DOK4: variants seen among roughly 807,000 people sequenced by gnomAD.
DOK4 encodes the protein downstream of tyrosine kinase 4.
In DOK4, 26 loss-of-function variants were observed where a neutral mutation model predicts 40.1. The ratio of observed to expected loss-of-function variants is 0.65; its 90% CI spans 0.48 to 0.90. The LOEUF is 0.90. DOK4 is among the 40% of genes least tolerant of loss of function. The pLI is 0.00. For missense variants in DOK4, 392 were observed against 437.2 expected, an observed-to-expected ratio of 0.90 and a Z score of 0.92; for synonymous variants, 179 against 177.0, an observed-to-expected ratio of 1.01 and a Z score of -0.09.
Position 57,479,833 on chromosome 16 carries a change from T to G in DOK4, c.-181-145A>C. ...CTTCCTCCCGCCCTTCTTCCTTCCCTTCCCTCCCCACCCCAGGACGACAGA... is the reference window on the plus strand; with the variant it reads ...CTTCCTCCCGCCCTTCTTCCTTCCCGTCCCTCCCCACCCCAGGACGACAGA... On this transcript the variant is annotated intron_variant, in intron 1 of 8. Coordinates refer to ENST00000340099, the Ensembl canonical transcript of DOK4. This position sits in a 1 kb window ranked among gnomAD's most constrained non-coding sequence, Gnocchi z 5.8. 1.2e-5 allele frequency: 3 copies of G among 257,238 alleles called. No individual in the cohort carries two copies. The highest frequency in any genetic ancestry group is 2.3e-5 in the Non-Finnish European group (3 of 132,786). The allele number at this position is 257,238 out of a possible 1,614,324, so 15.9% of individuals were successfully genotyped here. A position where few individuals can be genotyped will look rare whatever the true frequency, so the allele number is the denominator to read the frequency against.
At chr16:57,483,498 C>T (rs1182169643) in intron 1 of DOK4, among the ~76,000 whole-genome samples, 2 of 152,128 alleles carry the variant, frequency 1.3e-5, no homozygotes, top group Non-Finnish European at 2.9e-5. Flanking sequence ...GGGCATGTGG[C>T]ACGTGCCTGT....
chr16:57,477,159 T>C (rs918918696), intron 2 of DOK4, among the ~76,000 whole-genome samples: 1 of 152,182 alleles, frequency 6.6e-6, no homozygotes, highest in Non-Finnish European at 1.5e-5. Flanking sequence ...TCGGCCCTAC[T>C]GTGCCATGCG....
exon 7 of DOK4, chr16:57,474,010 G>A: frequency 1.9e-6 from 3 of 1,614,126 alleles, no homozygotes; most frequent in African/African-American, 1.3e-5. Flanking sequence ...TGTCTGGAAG[G>A]TATAGAGTCC....
chr16:57,487,094 A>C (rs1598060095), upstream of DOK4: 3 of 144,512 alleles, frequency 2.1e-5, no homozygotes, highest in African/African-American at 5.2e-5. Flanking sequence ...CAACCCCCTC[A>C]CCTCTGCCCT....
intron 2 of DOK4, among the ~76,000 whole-genome samples, chr16:57,478,133 C>A (rs2031265659): frequency 6.6e-6 from 1 of 152,252 alleles, no homozygotes; most frequent in South Asian, 2.1e-4. Flanking sequence ...CTACCTCAGC[C>A]TCAGCTTCTC....
intron 2 of DOK4, 55 bp from the exon 3 acceptor site, chr16:57,476,012 G>A: frequency 1.4e-6 from 2 of 1,431,754 alleles, no homozygotes; most frequent in Non-Finnish European, 1.9e-6. Context: ...CACCCCACCA[G>A]CATGGCCCTG....
At chr16:57,486,456 A>G (rs1567593979) in exon 1 of DOK4, 1 of 151,042 alleles carries the variant, frequency 6.6e-6, no homozygotes, top group South Asian at 1.8e-4. Flanking sequence ...CCGCAGGGCT[A>G]GGGATCGGGC....
At chr16:57,478,232 T>C (rs1445235855) in intron 2 of DOK4, among the ~76,000 whole-genome samples, 1 of 152,260 alleles carries the variant, frequency 6.6e-6, no homozygotes, top group East Asian at 1.9e-4. Flanking sequence ...CAGTCTCAAC[T>C]AGGTTGAGCC....
chr16:57,481,882 T>C (rs1487557030), intron 1 of DOK4: 2 of 152,064 alleles, frequency 1.3e-5, no homozygotes, highest in African/African-American at 4.8e-5. Context: ...TTTTCTTTTT[T>C]GAGACGGAGT....
chr16:57,475,787 T>A, intron 3 of DOK4, 63 bp downstream of exon 3: 5 of 744,238 alleles, frequency 6.7e-6, no homozygotes, highest in Non-Finnish European at 7.7e-6. Flanking sequence ...CCTCTCTCCC[T>A]CTCTCTCTCT....
At chr16:57,486,515 G>T (rs1444518983), upstream of DOK4, 1 of 151,590 alleles carries the variant, frequency 6.6e-6, no homozygotes. Context: ...CCCTCCGCCA[G>T]GTCTCGCCGC....
At chr16:57,472,743 AC>A (rs1406128158) in exon 9 of DOK4, 1 of 152,356 alleles carries the variant, frequency 6.6e-6, no homozygotes, top group Non-Finnish European at 1.5e-5. Flanking sequence ...CCAGATTTTC[AC>A]CTGAGGCGTC....
In DOK4 at chr16:57,475,967, GA is replaced by G; in HGVS notation, c.67-11del. 1 of 1,608,906 alleles carries G rather than the reference GA, an allele frequency of 6.2e-7. No homozygotes were observed. Among genetic ancestry groups the G allele is most frequent in the East Asian group, 2.2e-5 (1 of 44,656 alleles). ...AGCACCTCCGGTAGATCTGTGGAGC[GA>G]GATGACAGGGCTCAGGCCTCCCTGG... is the stretch of plus-strand genomic sequence containing the variant. On this transcript the variant is annotated splice_polypyrimidine_tract_variant and intron_variant, in intron 2 of 8. Transcript: ENST00000340099.
rs1326820264 is a variant in DOK4 at position 57,479,385 on chromosome 16, C to G, written c.66+57G>C. The G allele has an allele frequency of 5.0e-6, 8 of 1,595,940 alleles. No individual in the cohort carries two copies. The African/African-American group carries it at 9.4e-5, about 19-fold the overall frequency. On this transcript the variant is annotated intron_variant, in intron 2 of 8. Coordinates refer to ENST00000340099, the Ensembl canonical transcript of DOK4. This position sits in a 1 kb window ranked among gnomAD's most constrained non-coding sequence, Gnocchi z 5.8. ...CGCGCCATGCCTCCAAGCCTGGGACCGAGTCCTCGGGCCCCCATCCCTTGG... is the reference window on the plus strand; with the variant it reads ...CGCGCCATGCCTCCAAGCCTGGGACGGAGTCCTCGGGCCCCCATCCCTTGG...
In DOK4 at chr16:57,479,673, C is replaced by A; in HGVS notation, c.-166G>T. ...CGCCTCAGCATTGTTCTAGCAGCTC[C>A]TTCGCCCCGCGCCTGCTGGAAATAA... On this transcript the variant is annotated 5_prime_UTR_variant, in exon 2 of 9. The change creates a new upstream start codon in the 5' untranslated region. Coordinates refer to ENST00000340099, the Ensembl canonical transcript of DOK4. This position sits in a 1 kb window ranked among gnomAD's most constrained non-coding sequence, Gnocchi z 5.8. 1 of 602,590 alleles carries A rather than the reference C, an allele frequency of 1.7e-6. No individual in the cohort carries two copies. The highest frequency in any genetic ancestry group is 2.9e-6 in the Non-Finnish European group (1 of 344,998). The allele number at this position is 602,590 out of a possible 1,614,324, so 37.3% of individuals were successfully genotyped here.
exon 7 of DOK4, chr16:57,473,991 C>T (rs2031021244): frequency 6.2e-7 from 1 of 1,614,126 alleles, no homozygotes; most frequent in Non-Finnish European, 8.5e-7. Context: ...AAATCTGCTC[C>T]CCCTCTTGTG....
chr16:57,475,638 A>G lies in DOK4; in HGVS notation c.175-18T>C. The G allele has an allele frequency of 6.4e-7, 1 of 1,551,624 alleles. No homozygotes were observed. Among genetic ancestry groups the G allele is most frequent in the Non-Finnish European group, 8.7e-7 (1 of 1,143,458 alleles). The stretch of plus-strand genomic sequence containing the variant: ...TCAGTCACCTGGGACAGCATCCACA[A>G]GGGACTTAGCCAGGCCAGTGCATCT... On this transcript the variant is annotated intron_variant, in intron 3 of 8. Transcript: ENST00000340099.
At position 57,479,721 on chromosome 16, in the gene DOK4, AG is replaced by A. The variant is rs1280504003; in HGVS notation, c.-181-34del. The A allele has an allele frequency of 2.0e-5, 10 of 506,774 alleles. No homozygotes were observed. Among genetic ancestry groups the A allele is most frequent in the Non-Finnish European group, 3.2e-5 (9 of 284,144 alleles). The allele number at this position is 506,774 out of a possible 1,614,324, so 31.4% of individuals were successfully genotyped here. Reference sequence around the variant, plus strand: ...TAAAAATGACAGGGAGATTAGAGACAGTGACATCTTTCTCTTCCTCTCGCTG... The same window carrying A: ...TAAAAATGACAGGGAGATTAGAGACATGACATCTTTCTCTTCCTCTCGCTG... On this transcript the variant is annotated intron_variant, in intron 1 of 8. Transcript: ENST00000340099. The surrounding 1 kb of genome is among the most constrained non-coding windows in gnomAD (Gnocchi z 5.8).
chr16:57,477,880 T>C (rs1016621921), intron 2 of DOK4, among the ~76,000 whole-genome samples: 3 of 152,178 alleles, frequency 2.0e-5, no homozygotes, highest in African/African-American at 7.2e-5. Context: ...ATTCCCTGCA[T>C]GGATAGGGCC....
Sources: gnomAD v4.1 joint callset for allele counts (sites outside exome capture counted in the v4.1 genomes callset) on GRCh38, gnomAD v4.1.1 for gene constraint, Gnocchi (gnomAD v3.1) non-coding constraint, MANE v1.5 for transcripts, NCBI Gene and HGNC (gene_info 2026-07-23, HGNC 2026-07-21) for gene names.